The following PLXDC1 variants were observed in gnomAD, a reference collection of about 807,000 sequenced individuals.
PLXDC1 encodes plexin domain-containing protein 1.
Under a neutral mutation model 61.3 loss-of-function variants are expected in PLXDC1, and 39 were observed. That is an observed-to-expected ratio of 0.64 (90% CI 0.49 to 0.83). The LOEUF (loss-of-function observed/expected upper bound fraction) is 0.83, where lower values mean the gene tolerates loss of function less well. Among genes scored for constraint, PLXDC1 ranks in the 40% least tolerant of loss-of-function variants. The pLI, the probability that PLXDC1 is intolerant of heterozygous loss-of-function variation, is 0.00. For missense variants in PLXDC1, 596 were observed against 666.5 expected, an observed-to-expected ratio of 0.89 and a Z score of 1.17; for synonymous variants, 212 against 254.5, an observed-to-expected ratio of 0.83 and a Z score of 1.59.
At chr17:39,106,710 C>T (rs1339913994) in intron 6 of PLXDC1, among the ~76,000 whole-genome samples, 1 of 143,344 alleles carries the variant, frequency 7.0e-6, no homozygotes, top group East Asian at 2.1e-4. Context: ...AGTGCAGTGG[C>T]ACGATCTCAG....
At chr17:39,152,424 A>G (rs2045380277), upstream of PLXDC1, 2 of 885,986 alleles carry the variant, frequency 2.3e-6, no homozygotes. Context: ...GGCTCTGGGG[A>G]TAGATAATCT....
rs199500777 is a variant in PLXDC1, at chr17:39,078,088, C to T, written c.1051-40G>A. On this transcript the variant is annotated intron_variant, in intron 10 of 13. Transcript: ENST00000315392. ...CAGTGCTGTGTCTTGAATGCATTTACACCTTTCCCTTCATCCTGAAAGCAT... is the reference window on the plus strand; with the variant it reads ...CAGTGCTGTGTCTTGAATGCATTTATACCTTTCCCTTCATCCTGAAAGCAT... 288 of 1,519,760 alleles carry T rather than the reference C, an allele frequency of 1.9e-4. No homozygotes were observed. The African/African-American group carries it at 3.2e-3, about 17-fold the overall frequency. The allele number at this position is 1,519,760 out of a possible 1,614,324, so 94.1% of individuals were successfully genotyped here.
In PLXDC1 at chr17:39,066,480, G is replaced by T. The variant is rs1908901807; in HGVS notation, c.*1360C>A. The T allele has an allele frequency of 6.6e-6, 1 of 152,216 alleles. No homozygotes were observed. Among genetic ancestry groups the T allele is most frequent in the Non-Finnish European group, 1.5e-5 (1 of 68,038 alleles). The allele number at this position is 152,216 out of a possible 1,614,324, so 9.4% of individuals were successfully genotyped here. A position where few individuals can be genotyped will look rare whatever the true frequency, so the allele number is the denominator to read the frequency against. On this transcript the variant is annotated 3_prime_UTR_variant, in exon 14 of 14. Transcript: ENST00000315392. ...CCCATGATAACATGCCCCAAGGGCT[G>T]AGAGCCACTATACTGTGTTTAACAG...
chr17:39,098,199 C>G (rs1053252666), intron 7 of PLXDC1, among the ~76,000 whole-genome samples: 56 of 92,074 alleles, frequency 6.1e-4, no homozygotes, highest in African/African-American at 2.4e-3. Context: ...GAGTGAAACT[C>G]CATCTCAAAA....
At chr17:39,088,508 C>T (rs1428226401) in intron 7 of PLXDC1, among the ~76,000 whole-genome samples, 1 of 152,180 alleles carries the variant, frequency 6.6e-6, no homozygotes, top group African/African-American at 2.4e-5. Context: ...CCACAACACC[C>T]TTGGGAGGAA....
intron 7 of PLXDC1, among the ~76,000 whole-genome samples, chr17:39,097,278 G>A (rs1276972839): frequency 6.6e-6 from 1 of 152,210 alleles, no homozygotes; most frequent in Non-Finnish European, 1.5e-5. Context: ...TGTATGATCA[G>A]GTGGGCTTGG....
intron 7 of PLXDC1, among the ~76,000 whole-genome samples, chr17:39,098,261 TC>T (rs1213004174): frequency 6.6e-6 from 1 of 150,448 alleles, no homozygotes; most frequent in East Asian, 1.9e-4. Context: ...TTCCCAGACT[TC>T]CTGAATTTTA....
Position 39,104,453 on chromosome 17 carries a change from C to T in PLXDC1, c.811+1401G>A, listed in dbSNP as rs77100645. On this transcript the variant is annotated intron_variant, in intron 7 of 13. Coordinates refer to ENST00000315392, the MANE Select transcript of PLXDC1 (RefSeq NM_020405.5). ...GATTAAAAAAAAAATAGATTAAAGG[C>T]CCCATTGTTCCCCAACCCTTAACAT... 2.0e-3 allele frequency among the ~76,000 whole-genome samples: 306 copies of T among 152,216 alleles called. 8 individuals carry two copies. In the East Asian group the frequency reaches 0.052, roughly 26 times the overall value.
rs752500050 is a variant in PLXDC1 at position 39,069,930 on chromosome 17, C to T, written c.1309G>A (p.Val437Met). Residue 437 changes from valine to methionine, a missense_variant, in exon 13 of 14, where the codon GTG (valine) becomes ATG (methionine). Coordinates refer to ENST00000315392, the MANE Select transcript of PLXDC1 (RefSeq NM_020405.5). ...ATTCCAGCCAGGATGATGGCCGCCA[C>T]GAGGAGGACTGCCAGCACGATGCCC... ...IVGIVLAVLL[V>M]AAIILAGIYI... 1.7e-5 allele frequency: 27 copies of T among 1,613,260 alleles called. No homozygotes were observed. In the East Asian group the frequency reaches 3.6e-4, roughly 21 times the overall value.
chr17:39,151,459 C>G lies in PLXDC1; in HGVS notation c.-22G>C, dbSNP rs905553361. On this transcript the variant is annotated 5_prime_UTR_variant, in exon 1 of 14. Transcript: ENST00000315392. This position sits in a 1 kb window ranked among gnomAD's most constrained non-coding sequence, Gnocchi z 5.2. ...GCATGGTGGGTGCCCGGACCTGCCC[C>G]CGGCCTGCTTGCTGCCCCGGTCCTG... 8.8e-6 allele frequency: 11 copies of G among 1,249,920 alleles called. No individual in the cohort carries two copies. The highest frequency in any genetic ancestry group is 2.6e-4 in the Middle Eastern group (1 of 3,826). 77.4% of individuals were successfully genotyped at this position (1,249,920 alleles called of 1,614,324 possible).
At chr17:39,114,345 A>G (rs1324235225) in intron 2 of PLXDC1, among the ~76,000 whole-genome samples, 1 of 151,924 alleles carries the variant, frequency 6.6e-6, no homozygotes, top group Non-Finnish European at 1.5e-5. Context: ...GTGCCTCAAA[A>G]TTTCTTCCCT....
chr17:39,126,913 C>T (rs1482099830), intron 2 of PLXDC1: 1 of 152,168 alleles, frequency 6.6e-6, no homozygotes, highest in African/African-American at 2.4e-5. Flanking sequence ...ACCTGGGAAT[C>T]GGATTCTGAT....
chr17:39,134,185 C>T (rs1911657126), intron 2 of PLXDC1, among the ~76,000 whole-genome samples: 2 of 150,058 alleles, frequency 1.3e-5, no homozygotes, highest in Non-Finnish European at 3.0e-5. Context: ...ACCTGGGAGG[C>T]GGAGCTTGCG....
At chr17:39,085,750 C>A (rs1469506760) in intron 8 of PLXDC1, among the ~76,000 whole-genome samples, 2 of 152,110 alleles carry the variant, frequency 1.3e-5, no homozygotes, top group Non-Finnish European at 2.9e-5. Flanking sequence ...CCTTCCCACA[C>A]CCAAATGGTA....
intron 2 of PLXDC1, among the ~76,000 whole-genome samples, chr17:39,128,932 C>G (rs1390556297): frequency 6.6e-6 from 1 of 151,308 alleles, no homozygotes; most frequent in Admixed American, 6.6e-5. Flanking sequence ...ATGGCTTGAA[C>G]CTGGTAGGTG....
intron 7 of PLXDC1, among the ~76,000 whole-genome samples, chr17:39,089,352 T>C (rs1247899017): frequency 1.3e-5 from 2 of 152,150 alleles, no homozygotes; most frequent in South Asian, 4.1e-4. Flanking sequence ...GGCCTTTTGC[T>C]GTCTGGTAAT....
chr17:39,072,609 C>G, intron 11 of PLXDC1, 124 bp from the exon 12 acceptor site: 1 of 718,886 alleles, frequency 1.4e-6, no homozygotes, highest in Non-Finnish European at 2.5e-6. Flanking sequence ...AACTGAGGCT[C>G]AGAGAGGGGA....
rs1264579739 is a variant in PLXDC1, at chr17:39,072,661, G to T, written c.1187-176C>A. On this transcript the variant is annotated intron_variant, in intron 11 of 13. Transcript: ENST00000315392. ...CACACAGCAGTTGAGTGTAGCTGGAGGCTGGGGAGTAAATGAGCGGGGACT... is the reference window on the plus strand; with the variant it reads ...CACACAGCAGTTGAGTGTAGCTGGATGCTGGGGAGTAAATGAGCGGGGACT... The T allele has an allele frequency of 1.1e-5, 7 of 636,428 alleles. No homozygotes were observed. The East Asian group carries it at 1.4e-4, about 13-fold the overall frequency. 39.4% of individuals were successfully genotyped at this position (636,428 alleles called of 1,614,324 possible).
intron 5 of PLXDC1, 44 bp downstream of exon 5, chr17:39,108,079 G>T: frequency 1.2e-6 from 2 of 1,613,186 alleles, no homozygotes; most frequent in Non-Finnish European, 1.7e-6. Context: ...CTGGACAAGG[G>T]ATCCCTGGAG....
Sources: allele counts gnomAD v4.1 joint callset (sites outside exome capture counted in the v4.1 genomes callset), GRCh38; gene constraint gnomAD v4.1.1; non-coding constraint Gnocchi (gnomAD v3.1); transcripts MANE v1.5; gene names NCBI Gene and HGNC (gene_info 2026-07-23, HGNC 2026-07-21).